The following ARHGAP1 variants were observed in gnomAD, a reference collection of about 807,000 sequenced individuals.
ARHGAP1 encodes rho GTPase-activating protein 1.
In ARHGAP1, 23 loss-of-function variants were observed where a neutral mutation model predicts 52.2. That is an observed-to-expected ratio of 0.44 (90% CI 0.32 to 0.62). The LOEUF is 0.62. Among genes scored for constraint, ARHGAP1 ranks in the 20% least tolerant of loss-of-function variants. ARHGAP1 has a pLI of 0.05. For missense variants in ARHGAP1, 480 were observed against 560.9 expected (o/e 0.86, Z 1.46); for synonymous variants, 210 against 228.4 (o/e 0.92, Z 0.73).
Position 46,696,442 on chromosome 11 carries a change from C to T in ARHGAP1, c.-49-286G>A, listed in dbSNP as rs930387106. 5.3e-5 allele frequency among the ~76,000 whole-genome samples: 8 copies of T among 152,146 alleles called. No homozygotes were observed. The highest frequency in any genetic ancestry group is 1.2e-4 in the African/African-American group (5 of 41,422). On this transcript the variant is annotated intron_variant, in intron 1 of 12. Transcript: ENST00000311956. The surrounding 1 kb of genome is among the most constrained non-coding windows in gnomAD (Gnocchi z 4.8). Reference sequence around the variant, plus strand: ...GGAAGAGCTGTGCCAGGTCCTGTGCCGCCCGCCACCCAGCTGGCTCAGTGA... The same window carrying T: ...GGAAGAGCTGTGCCAGGTCCTGTGCTGCCCGCCACCCAGCTGGCTCAGTGA...
intron 1 of ARHGAP1, among the ~76,000 whole-genome samples, chr11:46,698,760 C>T (rs979984967): frequency 4.6e-5 from 7 of 152,104 alleles, no homozygotes; most frequent in African/African-American, 1.4e-4. Flanking sequence ...CCTCCCTCAA[C>T]GCCCCCACAT....
At chr11:46,697,323 A>G (rs2064663956) in intron 1 of ARHGAP1, 1 of 152,242 alleles carries the variant, frequency 6.6e-6, no homozygotes, top group Non-Finnish European at 1.5e-5. Flanking sequence ...GAGGGAGGGC[A>G]GTTTTTAGTT....
In ARHGAP1 at chr11:46,679,734, G is replaced by A. The variant is rs1394048344; in HGVS notation, c.941C>T (p.Pro314Leu). The change falls in exon 11 of 13, where the codon CCA becomes CTA. Residue 314 changes from proline (P) to leucine (L), a missense_variant. Physicochemically the swap from Pro to Leu is moderately conservative, Grantham distance 98 (BLOSUM62 -3). Transcript: ENST00000311956. This position sits in a 1 kb window ranked among gnomAD's most constrained non-coding sequence, Gnocchi z 4.4. ...GAGGAAGGTCTTGAGGATGACTGCT[G>A]GCAGGTGCAGCTCATTGTACTGGTC... ...DFDQYNELHLPAVILKTFLRE... is the reference protein window; with the variant it reads ...DFDQYNELHLLAVILKTFLRE... The A allele has an allele frequency of 6.2e-7, 1 of 1,614,022 alleles. No homozygotes were observed. Among genetic ancestry groups the A allele is most frequent in the South Asian group, 1.1e-5 (1 of 91,080 alleles).
chr11:46,689,874 T>C (rs1413104766), intron 3 of ARHGAP1, among the ~76,000 whole-genome samples: 1 of 152,052 alleles, frequency 6.6e-6, no homozygotes, highest in African/African-American at 2.4e-5. Flanking sequence ...CACTAAAGCA[T>C]TTGTGATCTT....
At position 46,678,693 on chromosome 11, in the gene ARHGAP1, T is replaced by G; in HGVS notation, c.*344A>C. ...CTGCTACCAGCCCAGCCGGCAGTCA[T>G]TTGATTCATCCACACTTGCTAGGGA... On this transcript the variant is annotated 3_prime_UTR_variant, in exon 13 of 13. Coordinates refer to ENST00000311956, the MANE Select transcript of ARHGAP1 (RefSeq NM_004308.5). The G allele has an allele frequency of 4.0e-6, 1 of 252,560 alleles. No homozygotes were observed. The highest frequency in any genetic ancestry group is 7.7e-6 in the Non-Finnish European group (1 of 129,882). 15.6% of individuals were successfully genotyped at this position (252,560 alleles called of 1,614,324 possible). A position where few individuals can be genotyped will look rare whatever the true frequency, so the allele number is the denominator to read the frequency against.
At position 46,684,693 on chromosome 11, in the gene ARHGAP1, T is replaced by A. The variant is rs1412989602; in HGVS notation, c.318-2511A>T. ...TTTGAAAATTCACACAGTACGCTTA[T>A]ATTTTATTCACTTTTCTGTCAGCAT... On this transcript the variant is annotated intron_variant, in intron 4 of 12. Coordinates refer to ENST00000311956, the MANE Select transcript of ARHGAP1 (RefSeq NM_004308.5). Among the ~76,000 whole-genome samples the A allele has an allele frequency of 3.9e-5, 6 of 152,346 alleles. No homozygotes were observed. In the South Asian group the frequency reaches 6.2e-4, roughly 16 times the overall value.
rs1386932673 is a variant in ARHGAP1, at chr11:46,688,153, A to G, written c.317+20T>C. ...GGGGATCTGGGCAAAGCCCCAACAC[A>G]CTTCCCAGCAGGTACTCACCCCAGG... On this transcript the variant is annotated intron_variant, in intron 4 of 12. Transcript: ENST00000311956. 6 of 1,608,518 alleles carry G rather than the reference A, an allele frequency of 3.7e-6. No individual in the cohort carries two copies. Among genetic ancestry groups the G allele is most frequent in the Non-Finnish European group, 4.3e-6 (5 of 1,176,146 alleles).
intron 4 of ARHGAP1, chr11:46,687,359 G>A (rs189069709): frequency 6.6e-6 from 1 of 152,332 alleles, no homozygotes; most frequent in African/African-American, 2.4e-5. Context: ...TTCTCCTTCT[G>A]CGGCTGCCCT....
chr11:46,699,575 C>T (rs967433797), intron 1 of ARHGAP1, among the ~76,000 whole-genome samples: 17 of 131,182 alleles, frequency 1.3e-4, no homozygotes, highest in East Asian at 2.1e-4. Context: ...TGGTGGCGCG[C>T]GCCTGTACTC....
chr11:46,687,906 C>A, intron 4 of ARHGAP1: 1 of 444,228 alleles, frequency 2.3e-6, no homozygotes, highest in Non-Finnish European at 4.1e-6. Context: ...AGGAAAGAGG[C>A]CTATATTATT....
chr11:46,688,083 C>A, intron 4 of ARHGAP1, 90 bp downstream of exon 4: 1 of 1,330,732 alleles, frequency 7.5e-7, no homozygotes, highest in South Asian at 1.3e-5. Context: ...GCCTAGCACC[C>A]ACAGGCAGGG....
intron 2 of ARHGAP1, 55 bp from the exon 3 acceptor site, chr11:46,695,810 C>T (rs2064648400): frequency 6.4e-7 from 1 of 1,557,142 alleles, no homozygotes; most frequent in Non-Finnish European, 8.7e-7. Flanking sequence ...CCATGCTCTG[C>T]CCCACAGGCA....
chr11:46,684,179 A>C (rs533107077), intron 4 of ARHGAP1, among the ~76,000 whole-genome samples: 1 of 152,360 alleles, frequency 6.6e-6, no homozygotes, highest in African/African-American at 2.4e-5. Flanking sequence ...TGGGATCCCC[A>C]GTACATGGTC....
chr11:46,695,831 C>A, intron 2 of ARHGAP1, 76 bp from the exon 3 acceptor site: 1 of 1,572,456 alleles, frequency 6.4e-7, no homozygotes, highest in Non-Finnish European at 8.7e-7. Flanking sequence ...TGCTGTCTGG[C>A]CCTTCCCCCA....
chr11:46,682,548 G>A (rs914631924), intron 4 of ARHGAP1, among the ~76,000 whole-genome samples: 10 of 152,216 alleles, frequency 6.6e-5, no homozygotes, highest in Non-Finnish European at 1.5e-4. Context: ...GCCGAGCATG[G>A]TGGTGCAGGC....
In ARHGAP1 at chr11:46,677,348, T is replaced by TG. The variant is rs2064485455; in HGVS notation, c.*1688dup. ...CCGAGGCTAGAGACCAAGGGACTGA[T>TG]GAAGAACCAGCAGCAGCCCAGGCCC... is the stretch of plus-strand genomic sequence containing the variant. On this transcript the variant is annotated 3_prime_UTR_variant, in exon 13 of 13. Coordinates refer to ENST00000311956, the MANE Select transcript of ARHGAP1 (RefSeq NM_004308.5). 1 of 152,460 alleles carries TG rather than the reference T, an allele frequency of 6.6e-6. No individual in the cohort carries two copies. The highest frequency in any genetic ancestry group is 6.5e-5 in the Admixed American group (1 of 15,306). The allele number at this position is 152,460 out of a possible 1,614,324, so 9.4% of individuals were successfully genotyped here.
In ARHGAP1 at chr11:46,680,287, G is replaced by A; in HGVS notation, c.821-5C>T. The A allele has an allele frequency of 6.2e-7, 1 of 1,614,068 alleles. No individual in the cohort carries two copies. The highest frequency in any genetic ancestry group is 1.3e-5 in the African/African-American group (1 of 75,032). ...AGATGCCCTCGGTGGTGAGAGCTGGGAAACAGTAGGGCCTGGTGAGCCTCC... is the reference window on the plus strand; with the variant it reads ...AGATGCCCTCGGTGGTGAGAGCTGGAAAACAGTAGGGCCTGGTGAGCCTCC... On this transcript the variant is annotated splice_region_variant and splice_polypyrimidine_tract_variant and intron_variant, in intron 9 of 12. Coordinates refer to ENST00000311956, the MANE Select transcript of ARHGAP1 (RefSeq NM_004308.5). This position sits in a 1 kb window ranked among gnomAD's most constrained non-coding sequence, Gnocchi z 5.9.
Position 46,683,828 on chromosome 11 carries a change from T to C in ARHGAP1, c.318-1646A>G, listed in dbSNP as rs548043617. Among the ~76,000 whole-genome samples, 214 of 152,184 alleles carry C rather than the reference T, an allele frequency of 1.4e-3. 2 individuals are homozygous for C. The South Asian group carries it at 0.019, about 13-fold the overall frequency. On this transcript the variant is annotated intron_variant, in intron 4 of 12. Transcript: ENST00000311956. The stretch of plus-strand genomic sequence containing the variant: ...GCTAATTTTGTATTTTCAGTAGAGA[T>C]GGGGTTTCTCCATGTTCGTCAGGCT...
intron 5 of ARHGAP1, 23 bp downstream of exon 5, chr11:46,682,028 G>C (rs2064532677): frequency 6.2e-7 from 1 of 1,613,310 alleles, no homozygotes; most frequent in Admixed American, 1.7e-5. Flanking sequence ...ATCTGACTGT[G>C]CAGGCCCCAT....
Sources: allele counts gnomAD v4.1 joint callset (sites outside exome capture counted in the v4.1 genomes callset), GRCh38; gene constraint gnomAD v4.1.1; non-coding constraint Gnocchi (gnomAD v3.1); transcripts MANE v1.5; gene names NCBI Gene and HGNC (gene_info 2026-07-23, HGNC 2026-07-21).